Variants in TNS1 observed in about 807,000 individuals in gnomAD.
TNS1 encodes tensin-1.
A neutral mutation model predicts 168.6 loss-of-function variants in TNS1; 62 were observed. That is an observed-to-expected ratio of 0.37 (90% confidence interval 0.30 to 0.45). The LOEUF (loss-of-function observed/expected upper bound fraction) is 0.45, where lower values mean the gene tolerates loss of function less well. TNS1 is among the 20% of genes least tolerant of loss of function. The probability of loss-of-function intolerance (pLI) is 1.00; values close to 1 mark genes in which losing one functional copy is unlikely to be tolerated. For missense variants in TNS1, 2,240 were observed against 2,339.4 expected, an observed-to-expected ratio of 0.96 and a Z score of 0.88; for synonymous variants, 934 against 933.2, an observed-to-expected ratio of 1.00 and a Z score of -0.02.
rs766256716 is a variant in TNS1 at position 217,813,214 on chromosome 2, C to T, written c.4954+1G>A. On this transcript the variant is annotated splice_donor_variant, in intron 27 of 32. Transcript: ENST00000682258. LOFTEE classifies it high-confidence loss of function. The surrounding 1 kb of genome is among the most constrained non-coding windows in gnomAD (Gnocchi z 4.0). ...GAGATGGGGGCAGGGGGACAGCTCA[C>T]CGAAGTTTGGCTCATTGGGGCAGCC... 1.2e-6 allele frequency: 2 copies of T among 1,600,226 alleles called. No individual in the cohort carries two copies. The highest frequency in any genetic ancestry group is 2.3e-5 in the South Asian group (2 of 88,470).
intron 19 of TNS1, among the ~76,000 whole-genome samples, chr2:217,839,111 A>T (rs1945576611): frequency 6.6e-6 from 1 of 151,934 alleles, no homozygotes; most frequent in Admixed American, 6.5e-5. Flanking sequence ...GCAGCAGGAC[A>T]CTGGGATGAT....
At chr2:217,966,172 T>C (rs1441702337) in intron 3 of TNS1, among the ~76,000 whole-genome samples, 2 of 152,062 alleles carry the variant, frequency 1.3e-5, no homozygotes, top group Non-Finnish European at 2.9e-5. Flanking sequence ...ATATGAGACC[T>C]TTGGGGAGCC....
At chr2:217,962,809 A>G (rs1957531823) in intron 3 of TNS1, among the ~76,000 whole-genome samples, 2 of 152,234 alleles carry the variant, frequency 1.3e-5, no homozygotes, top group African/African-American at 2.4e-5. Flanking sequence ...GAGAAGACTC[A>G]GGAGACACGA....
Position 217,987,565 on chromosome 2 carries a change from C to T in TNS1, c.148+3377G>A, listed in dbSNP as rs572776725. Among the ~76,000 whole-genome samples, 8 of 152,292 alleles carry T rather than the reference C, an allele frequency of 5.3e-5. No homozygotes were observed. In the East Asian group the frequency reaches 5.8e-4, roughly 11 times the overall value. On this transcript the variant is annotated intron_variant, in intron 2 of 32. Transcript: ENST00000682258. ...GGCAACCAAGGGGAGACAGGCCAAA[C>T]GCCCCAGTGTCTCCAGATCTAAAAG...
At chr2:217,857,061 A>C (rs1268742600) in intron 18 of TNS1, among the ~76,000 whole-genome samples, 3 of 152,186 alleles carry the variant, frequency 2.0e-5, no homozygotes, top group Admixed American at 1.3e-4. Flanking sequence ...ACGGAGCCCA[A>C]ATCTCAATGT....
chr2:218,005,389 T>C (rs1173020729), upstream of TNS1, among the ~76,000 whole-genome samples: 1 of 152,178 alleles, frequency 6.6e-6, no homozygotes, highest in African/African-American at 2.4e-5. Context: ...TGCTGGGGGT[T>C]CCCTTGGAGA....
chr2:217,856,923 C>T (rs1293063302), intron 18 of TNS1, among the ~76,000 whole-genome samples: 1 of 152,132 alleles, frequency 6.6e-6, no homozygotes, highest in East Asian at 1.9e-4. Flanking sequence ...AGCAAGTGAC[C>T]TCACCAGTGT....
chr2:217,888,066 G>A, intron 12 of TNS1, among the ~76,000 whole-genome samples: 1 of 152,212 alleles, frequency 6.6e-6, no homozygotes, highest in East Asian at 1.9e-4. Flanking sequence ...CTGGGTTTGG[G>A]TGGGGCCTCC....
intron 24 of TNS1, among the ~76,000 whole-genome samples, chr2:217,816,241 G>A (rs140341047): frequency 4.6e-5 from 7 of 152,268 alleles, no homozygotes; most frequent in African/African-American, 1.4e-4. Flanking sequence ...TCTTCCTTCA[G>A]CTTTTGGCAC....
Position 217,813,850 on chromosome 2 carries a change from G to T in TNS1, c.4730-34C>A. 1 of 1,558,800 alleles carries T rather than the reference G, an allele frequency of 6.4e-7. No individual in the cohort carries two copies. Among genetic ancestry groups the T allele is most frequent in the Non-Finnish European group, 8.7e-7 (1 of 1,150,642 alleles). On this transcript the variant is annotated intron_variant, in intron 25 of 32. Transcript: ENST00000682258. This position sits in a 1 kb window ranked among gnomAD's most constrained non-coding sequence, Gnocchi z 4.0. ...GGAAGGGACAAGGAGAGAGGAGGAA[G>T]CAAGACCTCGGTGGCGCTAGTTTTA...
At position 217,836,179 on chromosome 2, in the gene TNS1, G is replaced by T; in HGVS notation, c.3040C>A (p.Pro1014Thr). The T allele has an allele frequency of 6.2e-7, 1 of 1,612,710 alleles. No individual in the cohort carries two copies. Among genetic ancestry groups the T allele is most frequent in the South Asian group, 1.1e-5 (1 of 91,018 alleles). Residue 1014 changes from proline (P) to threonine (T), a missense_variant, in exon 20 of 33, where the codon CCC (proline) becomes ACC (threonine). Transcript: ENST00000682258. ...GCCCGCCTCCGCAGAGGGGCTGGGG[G>T]CTCTGCAGGCTGCTTCTCCCGAGCC... Reference protein sequence around the residue: ...VQAREKQPAEPPAPLRRRAAS... With the variant: ...VQAREKQPAETPAPLRRRAAS...
chr2:217,942,034 C>T (rs902287445), intron 3 of TNS1, among the ~76,000 whole-genome samples: 2 of 152,182 alleles, frequency 1.3e-5, no homozygotes, highest in African/African-American at 2.4e-5. Flanking sequence ...AACCCAGCCC[C>T]GCTCCACCTG....
intron 19 of TNS1, among the ~76,000 whole-genome samples, chr2:217,843,267 T>C (rs1355772028): frequency 6.6e-6 from 1 of 152,174 alleles, no homozygotes; most frequent in Non-Finnish European, 1.5e-5. Flanking sequence ...CTAATTTACC[T>C]ACATGGGCTC....
At chr2:218,005,837 G>T (rs181487002), upstream of TNS1, among the ~76,000 whole-genome samples, 251 of 152,210 alleles carry the variant, frequency 1.6e-3, 2 homozygotes, top group Admixed American at 6.6e-3. Flanking sequence ...GTACACTTTT[G>T]CCCACAATTT....
At chr2:217,945,839 G>A (rs1957091794) in intron 3 of TNS1, among the ~76,000 whole-genome samples, 1 of 152,106 alleles carries the variant, frequency 6.6e-6, no homozygotes, top group African/African-American at 2.4e-5. Context: ...GGCTCCTCTG[G>A]GGCTTGGGTC....
At chr2:217,990,511 C>T (rs1389748433) in intron 2 of TNS1, among the ~76,000 whole-genome samples, 1 of 151,524 alleles carries the variant, frequency 6.6e-6, no homozygotes, top group African/African-American at 2.4e-5. Flanking sequence ...ACCCTCAACA[C>T]ACATCATCCA....
At chr2:217,980,496 T>TAC (rs141508769) in intron 2 of TNS1, among the ~76,000 whole-genome samples, 37 of 123,900 alleles carry the variant, frequency 3.0e-4, no homozygotes, top group South Asian at 8.5e-4. Context: ...CTCTCTCTCC[T>TAC]ACACACACAC....
intron 23 of TNS1, among the ~76,000 whole-genome samples, 191 bp downstream of exon 23, chr2:217,821,549 C>T (rs565433751): frequency 6.6e-6 from 1 of 152,266 alleles, no homozygotes; most frequent in African/African-American, 2.4e-5. Flanking sequence ...TCACTGGGCT[C>T]CCCACAGGAT....
chr2:217,804,291 T>TG lies in TNS1; in HGVS notation c.*167_*168insC. The stretch of plus-strand genomic sequence containing the variant: ...CTCTCTCTCTCTCTCTCTCTCTCTT[T>TG]TCCCCCTCCCCTCTGCAATTCACTT... On this transcript the variant is annotated 3_prime_UTR_variant, in exon 33 of 33. Transcript: ENST00000682258. 1 of 692,976 alleles carries TG rather than the reference T, an allele frequency of 1.4e-6. No individual in the cohort carries two copies. Among genetic ancestry groups the TG allele is most frequent in the Non-Finnish European group, 2.4e-6 (1 of 420,502 alleles). 42.9% of individuals were successfully genotyped at this position (692,976 alleles called of 1,614,324 possible). A position where few individuals can be genotyped will look rare whatever the true frequency, so the allele number is the denominator to read the frequency against.
Sources: allele counts gnomAD v4.1 joint callset (sites outside exome capture counted in the v4.1 genomes callset), GRCh38; gene constraint gnomAD v4.1.1; non-coding constraint Gnocchi (gnomAD v3.1); transcripts MANE v1.5; gene names NCBI Gene and HGNC (gene_info 2026-07-23, HGNC 2026-07-21).